FNDC3B: variants seen among roughly 807,000 people sequenced by gnomAD.
The protein encoded by FNDC3B is fibronectin type III domain containing 3B, also known as fibronectin type III domain-containing protein 3B.
FNDC3B carries 12 observed loss-of-function variants against 151.5 expected under a neutral mutation model. The ratio of observed to expected loss-of-function variants is 0.08; its 90% CI spans 0.05 to 0.13. The LOEUF (loss-of-function observed/expected upper bound fraction) is 0.13, where lower values mean the gene tolerates loss of function less well. Ranked by LOEUF, FNDC3B falls within the 10% of genes least tolerant of loss-of-function variation. The pLI is 1.00. For missense variants in FNDC3B, 1,214 were observed against 1,505.3 expected (o/e 0.81, Z 3.20); for synonymous variants, 528 against 549.0 (o/e 0.96, Z 0.54).
intron 3 of FNDC3B, among the ~76,000 whole-genome samples, chr3:172,182,649 C>T (rs563242216): frequency 6.6e-6 from 1 of 152,286 alleles, no homozygotes; most frequent in Non-Finnish European, 1.5e-5. Flanking sequence ...ACCTGTTAAA[C>T]GCAGGGAATT....
Position 172,397,422 on chromosome 3 carries a change from G to C in FNDC3B, c.3562G>C (p.Ala1188Pro). 1 of 1,613,168 alleles carries C rather than the reference G, an allele frequency of 6.2e-7. No individual in the cohort carries two copies. The highest frequency in any genetic ancestry group is 8.5e-7 in the Non-Finnish European group (1 of 1,179,754). Residue 1188 changes from alanine (A) to proline (P), a missense_variant, in exon 26 of 26, where the codon GCA (alanine) becomes CCA (proline). Coordinates refer to ENST00000415807, the MANE Select transcript of FNDC3B (RefSeq NM_022763.4). ...QFAAIIVLGF[A>P]TLSILFAFIL... is the part of the protein sequence containing the mutation. ...TGCAGCCATCATTGTGCTTGGCTTT[G>C]CAACTTTGTCCATTTTATTTGCCTT...
chr3:172,344,385 G>A (rs1733502438), intron 19 of FNDC3B, 127 bp downstream of exon 19: 5 of 702,256 alleles, frequency 7.1e-6, no homozygotes, highest in Non-Finnish European at 7.0e-6. Context: ...AACCATTAAT[G>A]CAGTGTCTGT....
chr3:172,320,349 C>G (rs1732020790), intron 11 of FNDC3B, among the ~76,000 whole-genome samples: 1 of 152,046 alleles, frequency 6.6e-6, no homozygotes, highest in Non-Finnish European at 1.5e-5. Context: ...CACTGCACTC[C>G]AGCCTGGGTG....
At chr3:172,226,723 T>G (rs1314543945) in intron 3 of FNDC3B, 148 bp from the exon 4 acceptor site, 1 of 515,918 alleles carries the variant, frequency 1.9e-6, no homozygotes, top group African/African-American at 1.9e-5. Flanking sequence ...GGTTTCAGGT[T>G]TAGCTTTAAG....
intron 6 of FNDC3B, among the ~76,000 whole-genome samples, chr3:172,285,291 C>T (rs1729952149): frequency 6.6e-6 from 1 of 152,182 alleles, no homozygotes; most frequent in African/African-American, 2.4e-5. Context: ...TCTAGCCTTT[C>T]CTTTGCCTGG....
chr3:172,245,929 G>C (rs1407484738), intron 4 of FNDC3B, among the ~76,000 whole-genome samples: 1 of 151,954 alleles, frequency 6.6e-6, no homozygotes, highest in African/African-American at 2.4e-5. Context: ...AAAGATTTCT[G>C]TTTTTTTAAC....
intron 5 of FNDC3B, among the ~76,000 whole-genome samples, chr3:172,249,315 A>G (rs551999093): frequency 1.3e-5 from 2 of 152,144 alleles, no homozygotes; most frequent in African/African-American, 4.8e-5. Context: ...GTCCTTTGCA[A>G]TTTTAGGCAA....
At chr3:172,377,102 A>G (rs188429086) in intron 23 of FNDC3B, among the ~76,000 whole-genome samples, 91 of 152,344 alleles carry the variant, frequency 6.0e-4, no homozygotes, top group African/African-American at 2.2e-3. Flanking sequence ...TGCTAAATGA[A>G]TACATAAATT....
At chr3:172,113,829 G>A (rs886544080) in intron 2 of FNDC3B, among the ~76,000 whole-genome samples, 1 of 151,436 alleles carries the variant, frequency 6.6e-6, no homozygotes, top group East Asian at 1.9e-4. Flanking sequence ...CTTCCTTACC[G>A]CCCACTTTAC....
chr3:172,293,664 G>C (rs890369405), intron 7 of FNDC3B, among the ~76,000 whole-genome samples: 1 of 152,204 alleles, frequency 6.6e-6, no homozygotes, highest in Non-Finnish European at 1.5e-5. Flanking sequence ...GCTACTGGGA[G>C]GTAGTGAGGC....
intron 6 of FNDC3B, among the ~76,000 whole-genome samples, chr3:172,263,331 C>T (rs1025846577): frequency 1.6e-4 from 25 of 151,888 alleles, no homozygotes; most frequent in African/African-American, 4.1e-4. Flanking sequence ...TGGAACAGTA[C>T]GATCTTTCAA....
intron 4 of FNDC3B, among the ~76,000 whole-genome samples, chr3:172,236,413 CTGCT>C (rs542347933): frequency 5.7e-4 from 87 of 152,264 alleles, no homozygotes; most frequent in African/African-American, 2.0e-3. Context: ...GACTGTGATG[CTGCT>C]TATGTTAGAT....
intron 6 of FNDC3B, among the ~76,000 whole-genome samples, chr3:172,282,292 C>T (rs1729773875): frequency 6.6e-6 from 1 of 151,848 alleles, no homozygotes; most frequent in African/African-American, 2.4e-5. Flanking sequence ...AAAAGCATTA[C>T]ATTAAATAAA....
chr3:172,280,588 TAG>T (rs1254866548), intron 6 of FNDC3B, among the ~76,000 whole-genome samples: 1 of 152,216 alleles, frequency 6.6e-6, no homozygotes, highest in African/African-American at 2.4e-5. Context: ...ACAGAAGGTT[TAG>T]AGAGAAATAA....
intron 6 of FNDC3B, 51 bp downstream of exon 6, chr3:172,251,592 T>A (rs1728084462): frequency 6.7e-7 from 1 of 1,492,696 alleles, no homozygotes; most frequent in Admixed American, 2.0e-5. Context: ...CAGAGACATC[T>A]CAAATGATGT....
At position 172,353,019 on chromosome 3, in the gene FNDC3B, A is replaced by T. The variant is rs747129199; in HGVS notation, c.2731A>T (p.Ser911Cys). Reference protein sequence around the residue: ...LAYTIDLGDTSITVGNTTMHV... With the variant: ...LAYTIDLGDTCITVGNTTMHV... Reference sequence around the variant, plus strand: ...TTACACCATTGATCTAGGAGACACTAGCATTACCGTGGGCAACACCACCAT... The same window carrying T: ...TTACACCATTGATCTAGGAGACACTTGCATTACCGTGGGCAACACCACCAT... The change falls in exon 22 of 26, where the codon AGC becomes TGC. Residue 911 changes from serine (S) to cysteine (C), a missense_variant. This residue lies in a region of FNDC3B where 284 missense variants were observed against 392.4 expected (regional missense o/e 0.72). Coordinates refer to ENST00000415807, the MANE Select transcript of FNDC3B (RefSeq NM_022763.4). 15 of 1,614,064 alleles carry T rather than the reference A, an allele frequency of 9.3e-6. No homozygotes were observed. The Middle Eastern group carries it at 1.3e-3, about 141-fold the overall frequency.
At chr3:172,375,259 C>T (rs1735074519) in intron 23 of FNDC3B, among the ~76,000 whole-genome samples, 1 of 152,226 alleles carries the variant, frequency 6.6e-6, no homozygotes, top group Non-Finnish European at 1.5e-5. Context: ...TAGCTATGAT[C>T]ATCTTGCATC....
At chr3:172,050,700 C>T (rs1209095109) in intron 1 of FNDC3B, among the ~76,000 whole-genome samples, 1 of 144,992 alleles carries the variant, frequency 6.9e-6, no homozygotes, top group Non-Finnish European at 1.5e-5. Context: ...GGTATATTTT[C>T]GTGTGTGTGT....
intron 1 of FNDC3B, among the ~76,000 whole-genome samples, chr3:172,057,530 G>GT (rs1166881683): frequency 6.6e-6 from 1 of 152,176 alleles, no homozygotes; most frequent in Admixed American, 6.5e-5. Flanking sequence ...AGTAAAAGGG[G>GT]TTGGGGGGAA....
Sources: allele counts gnomAD v4.1 joint callset (sites outside exome capture counted in the v4.1 genomes callset), GRCh38; gene constraint gnomAD v4.1.1; regional missense constraint gnomAD v4.1.1; transcripts MANE v1.5; gene names NCBI Gene and HGNC (gene_info 2026-07-23, HGNC 2026-07-21).